Variants in CDH26 observed in about 807,000 individuals in gnomAD.
CDH26 encodes cadherin 26.
CDH26 carries 83 observed loss-of-function variants against 90.3 expected under a neutral mutation model. That is an observed-to-expected ratio of 0.92 (90% CI 0.77 to 1.10). The LOEUF (loss-of-function observed/expected upper bound fraction) is 1.10. Ranked by LOEUF, CDH26 falls within the 50% of genes least tolerant of loss-of-function variation. The pLI, the probability that CDH26 is intolerant of heterozygous loss-of-function variation, is 0.00. For synonymous variants in CDH26, 397 were observed against 396.3 expected (o/e 1.00, Z -0.02); for missense variants, 1,013 against 1,037.6 (o/e 0.98, Z 0.33).
chr20:59,992,694 AG>A lies in CDH26; in HGVS notation c.1426+177del, dbSNP rs1569044374. ...GTAATAATTCTTAAAATGGTAAACAAGGGACCAATACCATCGAAAGAGGGCA... is the reference window on the plus strand; with the variant it reads ...GTAATAATTCTTAAAATGGTAAACAAGGACCAATACCATCGAAAGAGGGCA... On this transcript the variant is annotated intron_variant, in intron 10 of 17. Transcript: ENST00000348616. This position sits in a 1 kb window ranked among gnomAD's most constrained non-coding sequence, Gnocchi z 5.0. Among the ~76,000 whole-genome samples the A allele has an allele frequency of 6.6e-6, 1 of 152,370 alleles. No homozygotes were observed. Among genetic ancestry groups the A allele is most frequent in the Middle Eastern group, 3.4e-3 (1 of 294 alleles).
chr20:60,018,952 T>C (rs2061930495), downstream of CDH26, among the ~76,000 whole-genome samples: 1 of 152,016 alleles, frequency 6.6e-6, no homozygotes, highest in African/African-American at 2.4e-5. Flanking sequence ...AGATTTTACT[T>C]TTTCATTTCT....
chr20:60,007,792 G>A (rs150659881), intron 17 of CDH26, among the ~76,000 whole-genome samples: 455 of 152,108 alleles, frequency 3.0e-3, no homozygotes, highest in Non-Finnish European at 4.4e-3. Flanking sequence ...GCAGGGTTGT[G>A]ACCAGAAAAC....
At chr20:60,003,346 A>G (rs565279769) in intron 16 of CDH26, among the ~76,000 whole-genome samples, 1 of 152,362 alleles carries the variant, frequency 6.6e-6, no homozygotes, top group East Asian at 1.9e-4. Context: ...TATTACCAAA[A>G]TAGCCAATAA....
chr20:59,990,290 C>A (rs1241847774), intron 9 of CDH26, among the ~76,000 whole-genome samples: 4 of 152,198 alleles, frequency 2.6e-5, no homozygotes, highest in African/African-American at 9.7e-5. Flanking sequence ...TGGCCTGAAT[C>A]TCTTGATGTT....
At chr20:59,967,393 G>T (rs1008057466) in intron 1 of CDH26, among the ~76,000 whole-genome samples, 6 of 152,004 alleles carry the variant, frequency 3.9e-5, no homozygotes, top group African/African-American at 1.4e-4. Context: ...AACAAGAAAA[G>T]GTTTTATTAA....
At chr20:60,034,613 G>A (rs2062069825), downstream of CDH26, among the ~76,000 whole-genome samples, 1 of 152,170 alleles carries the variant, frequency 6.6e-6, no homozygotes, top group South Asian at 2.1e-4. Flanking sequence ...TGGGCGCCAG[G>A]GCCCCCACCA....
At chr20:60,020,749 TG>T (rs1569068106) in intron 7 of CDH26, among the ~76,000 whole-genome samples, 1 of 151,908 alleles carries the variant, frequency 6.6e-6, no homozygotes, top group African/African-American at 2.4e-5. Context: ...GCTCACAATG[TG>T]GGGGGTAAGC....
intron 7 of CDH26, among the ~76,000 whole-genome samples, chr20:60,024,684 G>A (rs1175709489): frequency 6.6e-6 from 1 of 152,190 alleles, no homozygotes; most frequent in Non-Finnish European, 1.5e-5. Context: ...TGGGAAGAAA[G>A]GCTCACACAG....
intron 15 of CDH26, among the ~76,000 whole-genome samples, chr20:60,002,118 G>C (rs776243382): frequency 6.6e-5 from 10 of 152,078 alleles, no homozygotes; most frequent in Non-Finnish European, 1.5e-4. Flanking sequence ...AGGGTCTAAA[G>C]AGCCATAGAA....
chr20:60,011,397 G>A (rs187522912), intron 17 of CDH26, among the ~76,000 whole-genome samples: 4 of 152,240 alleles, frequency 2.6e-5, no homozygotes, highest in Non-Finnish European at 5.9e-5. Context: ...CAATCAGCTA[G>A]TGTGAAATCA....
chr20:59,969,905 T>C (rs766082524), intron 2 of CDH26, among the ~76,000 whole-genome samples, 177 bp from the exon 3 acceptor site: 1 of 152,230 alleles, frequency 6.6e-6, no homozygotes, highest in African/African-American at 2.4e-5. Flanking sequence ...GAGATGACTC[T>C]ACAGCTATTA....
chr20:59,960,420 C>T (rs963813810), intron 1 of CDH26, among the ~76,000 whole-genome samples: 6 of 151,000 alleles, frequency 4.0e-5, no homozygotes, highest in Non-Finnish European at 8.9e-5. Context: ...CACACACACA[C>T]AGGCACAAAG....
chr20:60,034,528 C>T (rs1242872507), downstream of CDH26, among the ~76,000 whole-genome samples: 1 of 152,104 alleles, frequency 6.6e-6, no homozygotes, highest in Non-Finnish European at 1.5e-5. Context: ...GCTAAAAATA[C>T]CTTGGTCAGG....
At chr20:60,033,825 G>T (rs117639642) in exon 9 of CDH26, 2 of 1,048,468 alleles carry the variant, frequency 1.9e-6, no homozygotes, top group African/African-American at 1.7e-5. Flanking sequence ...AAGAAATAAT[G>T]TGCAAAGCCC....
At chr20:60,001,197 C>T in intron 14 of CDH26, 146 bp from the exon 15 acceptor site, 1 of 882,132 alleles carries the variant, frequency 1.1e-6, no homozygotes. Context: ...TTTCCTCCCA[C>T]CGCGCCCTCC....
chr20:59,977,798 A>T (rs148892251), intron 4 of CDH26, among the ~76,000 whole-genome samples: 1 of 152,164 alleles, frequency 6.6e-6, no homozygotes, highest in East Asian at 1.9e-4. Flanking sequence ...CAAAACCCAT[A>T]GTTTACATTA....
intron 15 of CDH26, 31 bp from the exon 16 acceptor site, chr20:60,002,782 G>A (rs1396168800): frequency 6.4e-7 from 1 of 1,551,516 alleles, no homozygotes; most frequent in Non-Finnish European, 8.7e-7. Flanking sequence ...TAATTTATTT[G>A]AAATCAGTAA....
intron 7 of CDH26, among the ~76,000 whole-genome samples, chr20:60,026,002 G>T (rs188267233): frequency 6.6e-6 from 1 of 152,180 alleles, no homozygotes; most frequent in East Asian, 1.9e-4. Flanking sequence ...TGGAATCTGT[G>T]GTGTTAGCTT....
intron 4 of CDH26, 112 bp downstream of exon 4, chr20:59,972,235 A>T: frequency 1.1e-6 from 1 of 942,446 alleles, no homozygotes; most frequent in Non-Finnish European, 1.6e-6. Flanking sequence ...GAGATTGAGA[A>T]ATTATGCCTT....
Sources: allele counts gnomAD v4.1 joint callset (sites outside exome capture counted in the v4.1 genomes callset), GRCh38; gene constraint gnomAD v4.1.1; non-coding constraint Gnocchi (gnomAD v3.1); transcripts MANE v1.5; gene names NCBI Gene and HGNC (gene_info 2026-07-23, HGNC 2026-07-21).